Variants in RBMS3 observed in about 807,000 individuals in gnomAD.
The protein encoded by RBMS3 is RNA binding motif single stranded interacting protein 3.
In RBMS3, 27 loss-of-function variants were observed where a neutral mutation model predicts 66.8. The ratio of observed to expected loss-of-function variants is 0.40; its 90% CI spans 0.30 to 0.56. The LOEUF (loss-of-function observed/expected upper bound fraction) is 0.56. Among genes scored for constraint, RBMS3 ranks in the 20% least tolerant of loss-of-function variants. RBMS3 has a pLI of 0.40. For missense variants in RBMS3, 513 were observed against 549.5 expected, an observed-to-expected ratio of 0.93 and a Z score of 0.66; for synonymous variants, 188 against 183.0, an observed-to-expected ratio of 1.03 and a Z score of -0.22.
At chr3:29,369,696 A>G (rs2038094532) in intron 1 of RBMS3, among the ~76,000 whole-genome samples, 1 of 76,544 alleles carries the variant, frequency 1.3e-5, no homozygotes, top group African/African-American at 4.3e-5. Context: ...GTCTAGAGCT[A>G]AGGGACAAAA....
In RBMS3 at chr3:29,606,871, T is replaced by A. The variant is rs374957252; in HGVS notation, c.399+19666T>A. Among the ~76,000 whole-genome samples, 36 of 152,136 alleles carry A rather than the reference T, an allele frequency of 2.4e-4. 1 individual carries two copies. In the South Asian group the frequency reaches 7.0e-3, roughly 30 times the overall value. On this transcript the variant is annotated intron_variant, in intron 4 of 14. Coordinates refer to ENST00000383767, the MANE Select transcript of RBMS3 (RefSeq NM_001003793.3). ...TCCATCAATGTGCTATTTTTTTCTT[T>A]GAATTGAAAATTTTTCCATTGTATT...
intron 1 of RBMS3, among the ~76,000 whole-genome samples, chr3:29,308,601 A>G (rs1002936301): frequency 1.3e-5 from 2 of 151,760 alleles, no homozygotes; most frequent in African/African-American, 4.8e-5. Flanking sequence ...ATTGGTGAAA[A>G]TTTCATGGAG....
At chr3:29,931,631 T>TCAAAA (rs10682087) in intron 10 of RBMS3, among the ~76,000 whole-genome samples, 119,686 of 150,392 alleles carry the variant, frequency 0.8, 48,853 homozygotes, top group East Asian at 0.9. Context: ...TGAACCCTCA[T>TCAAAA]CAAAACAAAA....
At chr3:29,809,764 C>A (rs1334302550) in intron 6 of RBMS3, among the ~76,000 whole-genome samples, 1 of 151,870 alleles carries the variant, frequency 6.6e-6, no homozygotes, top group Non-Finnish European at 1.5e-5. Context: ...ATTAACAGTA[C>A]AGACTGATAT....
chr3:29,502,936 T>A (rs2044032794), intron 3 of RBMS3, among the ~76,000 whole-genome samples: 1 of 152,100 alleles, frequency 6.6e-6, no homozygotes, highest in Non-Finnish European at 1.5e-5. Context: ...TCATCTTATT[T>A]AAGTTCTGTT....
chr3:29,717,012 A>G (rs1283075290), intron 4 of RBMS3, among the ~76,000 whole-genome samples: 1 of 152,054 alleles, frequency 6.6e-6, no homozygotes, highest in Non-Finnish European at 1.5e-5. Context: ...GAGTAGCACA[A>G]GCTACATTAT....
chr3:29,790,624 A>G (rs1381223968), intron 6 of RBMS3, among the ~76,000 whole-genome samples: 1 of 152,052 alleles, frequency 6.6e-6, no homozygotes, highest in Admixed American at 6.6e-5. Flanking sequence ...TACTCCCTCC[A>G]CCTTTCATTT....
At chr3:29,584,717 A>G (rs958969031) in intron 3 of RBMS3, among the ~76,000 whole-genome samples, 1 of 152,096 alleles carries the variant, frequency 6.6e-6, no homozygotes, top group African/African-American at 2.4e-5. Flanking sequence ...CCTTCTTTCC[A>G]GTTCAGTCAA....
intron 3 of RBMS3, among the ~76,000 whole-genome samples, chr3:29,492,928 T>G (rs761649849): frequency 1.4e-4 from 22 of 152,346 alleles, no homozygotes; most frequent in Admixed American, 4.6e-4. Context: ...ATTGGTACCA[T>G]GCTAAATCGG....
At chr3:29,960,385 C>A (rs73049041) in intron 12 of RBMS3, among the ~76,000 whole-genome samples, 9,331 of 152,244 alleles carry the variant, frequency 0.061, 397 homozygotes, top group Middle Eastern at 0.099. Context: ...CAGGGAACAG[C>A]TCCCCTCCCA....
chr3:29,775,252 T>C (rs952991595), intron 6 of RBMS3, among the ~76,000 whole-genome samples: 3 of 124,812 alleles, frequency 2.4e-5, no homozygotes, highest in Non-Finnish European at 3.3e-5. Flanking sequence ...TTTTATTTTT[T>C]TATTTTTTAT....
In RBMS3 at chr3:29,615,683, C is replaced by A. The variant is rs148010236; in HGVS notation, c.399+28478C>A. 4.0e-4 allele frequency among the ~76,000 whole-genome samples: 61 copies of A among 152,190 alleles called. No individual in the cohort carries two copies. In the East Asian group the frequency reaches 0.011, roughly 27 times the overall value. On this transcript the variant is annotated intron_variant, in intron 4 of 14. Coordinates refer to ENST00000383767, the MANE Select transcript of RBMS3 (RefSeq NM_001003793.3). ...TTGAGTCCAAAAATTTGAGATCAGC[C>A]TGGGCAACATAGCTGTGGTAAACTT...
At chr3:29,986,843 T>G (rs890046229) in intron 12 of RBMS3, among the ~76,000 whole-genome samples, 1 of 152,130 alleles carries the variant, frequency 6.6e-6, no homozygotes, top group Non-Finnish European at 1.5e-5. Context: ...CTGGGGAAGC[T>G]GAGGCATGAG....
At chr3:29,956,398 G>A (rs572010670) in intron 12 of RBMS3, among the ~76,000 whole-genome samples, 3 of 152,078 alleles carry the variant, frequency 2.0e-5, no homozygotes, top group East Asian at 3.9e-4. Context: ...CACATTCCTC[G>A]CTATCTTCTC....
chr3:29,804,799 C>G (rs1468879268), intron 6 of RBMS3, among the ~76,000 whole-genome samples: 2 of 151,964 alleles, frequency 1.3e-5, no homozygotes, highest in Non-Finnish European at 2.9e-5. Context: ...AAATAAATGT[C>G]AAAATGAATC....
At chr3:29,703,586 G>A (rs997174477) in intron 4 of RBMS3, among the ~76,000 whole-genome samples, 1 of 152,128 alleles carries the variant, frequency 6.6e-6, no homozygotes, top group South Asian at 2.1e-4. Context: ...GTTCTACCCT[G>A]GTAGTGCCAT....
At chr3:29,744,698 C>T (rs946775325) in intron 5 of RBMS3, among the ~76,000 whole-genome samples, 1 of 151,476 alleles carries the variant, frequency 6.6e-6, no homozygotes, top group Non-Finnish European at 1.5e-5. Flanking sequence ...GCATGAGAAT[C>T]GCTTGAACCT....
At chr3:29,513,648 T>G (rs2044502382) in intron 3 of RBMS3, among the ~76,000 whole-genome samples, 1 of 152,006 alleles carries the variant, frequency 6.6e-6, no homozygotes, top group Non-Finnish European at 1.5e-5. Context: ...GAATGATCTA[T>G]ATATATAATA....
intron 3 of RBMS3, among the ~76,000 whole-genome samples, chr3:29,500,176 C>T (rs1375758972): frequency 6.7e-6 from 1 of 149,848 alleles, no homozygotes; most frequent in Admixed American, 6.7e-5. Context: ...TCTTCCCATA[C>T]ATTCTTTTGA....
Sources: allele counts gnomAD v4.1 joint callset (sites outside exome capture counted in the v4.1 genomes callset), GRCh38; gene constraint gnomAD v4.1.1; transcripts MANE v1.5; gene names NCBI Gene and HGNC (gene_info 2026-07-23, HGNC 2026-07-21).